The following TAF4 variants were observed in gnomAD, a reference collection of about 807,000 sequenced individuals.
The protein encoded by TAF4 is TATA-box binding protein associated factor 4, also known as transcription initiation factor TFIID subunit 4.
Under a neutral mutation model 90.3 loss-of-function variants are expected in TAF4, and 9 were observed. The observed-to-expected ratio is 0.10, with a 90% CI of 0.06 to 0.17. The LOEUF is 0.17. Ranked by LOEUF, TAF4 falls within the 10% of genes least tolerant of loss-of-function variation. The probability of loss-of-function intolerance (pLI) is 1.00; values close to 1 mark genes in which losing one functional copy is unlikely to be tolerated. For missense variants in TAF4, 1,351 were observed against 1,370.7 expected (o/e 0.99, Z 0.23); for synonymous variants, 818 against 638.9 (o/e 1.28, Z -4.23).
At chr20:62,057,584 A>C (rs1297101992) in intron 1 of TAF4, among the ~76,000 whole-genome samples, 1 of 152,226 alleles carries the variant, frequency 6.6e-6, no homozygotes, top group Non-Finnish European at 1.5e-5. Flanking sequence ...AGTGATGCCC[A>C]GTGGGGGACA....
intron 1 of TAF4, among the ~76,000 whole-genome samples, chr20:62,042,223 T>C (rs2055967660): frequency 6.6e-6 from 1 of 152,146 alleles, no homozygotes; most frequent in African/African-American, 2.4e-5. Flanking sequence ...CGTCTGAATG[T>C]CGAGAGGGGT....
intron 14 of TAF4, among the ~76,000 whole-genome samples, chr20:61,987,956 G>C (rs1223679454): frequency 6.6e-6 from 1 of 152,206 alleles, no homozygotes; most frequent in Non-Finnish European, 1.5e-5. Context: ...ATTCCTAAAT[G>C]AGAGAAGCCA....
At chr20:61,996,858 G>C (rs2055666032) in intron 14 of TAF4, among the ~76,000 whole-genome samples, 1 of 149,822 alleles carries the variant, frequency 6.7e-6, no homozygotes. Context: ...CAAAACCAGA[G>C]AATCCATCAC....
At chr20:62,057,320 TG>T (rs2056070315) in intron 1 of TAF4, among the ~76,000 whole-genome samples, 1 of 152,234 alleles carries the variant, frequency 6.6e-6, no homozygotes, top group South Asian at 2.1e-4. Flanking sequence ...GTCCACGCAC[TG>T]TCCACTCAGA....
intron 14 of TAF4, among the ~76,000 whole-genome samples, chr20:61,977,432 G>A (rs528081280): frequency 6.6e-5 from 10 of 152,162 alleles, no homozygotes; most frequent in Middle Eastern, 3.4e-3. Context: ...TGGAAGGAGC[G>A]GATTCTGCTG....
intron 1 of TAF4, among the ~76,000 whole-genome samples, chr20:62,055,544 T>C (rs943910006): frequency 2.0e-5 from 3 of 151,958 alleles, no homozygotes; most frequent in Non-Finnish European, 2.9e-5. Context: ...TTCACACTAC[T>C]TGGGGGCAGC....
At chr20:62,050,482 C>T (rs2056020348) in intron 1 of TAF4, among the ~76,000 whole-genome samples, 1 of 152,162 alleles carries the variant, frequency 6.6e-6, no homozygotes, top group Admixed American at 6.5e-5. Context: ...CCCCCACCCG[C>T]TGAGAGCAGC....
chr20:62,021,204 A>T (rs923218398), intron 1 of TAF4, among the ~76,000 whole-genome samples: 1 of 152,238 alleles, frequency 6.6e-6, no homozygotes, highest in Non-Finnish European at 1.5e-5. Context: ...TTTCAGACAC[A>T]CTAGGTCTCA....
chr20:62,059,144 G>A (rs963199831), intron 1 of TAF4, among the ~76,000 whole-genome samples: 1 of 152,202 alleles, frequency 6.6e-6, no homozygotes, highest in Non-Finnish European at 1.5e-5. Flanking sequence ...GGGAGAAGCT[G>A]GGGGCACTTC....
At chr20:62,000,527 A>G (rs1286680057) in intron 10 of TAF4, 25 bp downstream of exon 10, 1 of 1,604,830 alleles carries the variant, frequency 6.2e-7, no homozygotes, top group Admixed American at 1.7e-5. Context: ...TTTAATAAGA[A>G]CTCAGTCATT....
At position 62,064,902 on chromosome 20, in the gene TAF4, G is replaced by A. The variant is rs1222141049; in HGVS notation, c.909C>T (p.Ala303=). The A allele has an allele frequency of 2.0e-5, 15 of 763,266 alleles. No homozygotes were observed. Among genetic ancestry groups the A allele is most frequent in the Middle Eastern group, 6.9e-4 (1 of 1,456 alleles). 47.3% of individuals were successfully genotyped at this position (763,266 alleles called of 1,614,324 possible). A position where few individuals can be genotyped will look rare whatever the true frequency, so the allele number is the denominator to read the frequency against. The part of the protein sequence containing the change: ...AAPAVPPPAA[A]QNGGSAGAAP... ...CTGCCCCGGCGCTGCCCCCGTTCTG[G>A]GCGGCGGCGGGGGGCGGCACGGCGG... Residue 303 remains alanine, a synonymous_variant, in exon 1 of 15, where the codon GCC becomes GCT. Coordinates refer to ENST00000252996, the MANE Select transcript of TAF4 (RefSeq NM_003185.4).
chr20:61,984,390 C>T (rs1407028643), intron 14 of TAF4, among the ~76,000 whole-genome samples: 1 of 152,234 alleles, frequency 6.6e-6, no homozygotes, highest in African/African-American at 2.4e-5. Flanking sequence ...TCCCATCTCT[C>T]GGAACTCAGC....
Position 62,064,603 on chromosome 20 carries a change from C to T in TAF4, c.1208G>A (p.Gly403Asp), listed in dbSNP as rs1457824569. Residue 403 changes from glycine to aspartate, a missense_variant, in exon 1 of 15, where the codon GGC becomes GAC. By Grantham distance (94) the Gly-to-Asp change is moderately conservative (BLOSUM62 -1). Coordinates refer to ENST00000252996, the MANE Select transcript of TAF4 (RefSeq NM_003185.4). Reference protein sequence around the residue: ...APGTPTGLPKGAAGAVTQSLS... With the variant: ...APGTPTGLPKDAAGAVTQSLS... The stretch of plus-strand genomic sequence containing the variant: ...GCTCTGGGTCACTGCGCCGGCCGCG[C>T]CTTTGGGCAGCCCGGTGGGGGTCCC... The T allele has an allele frequency of 6.2e-6, 9 of 1,448,696 alleles. No homozygotes were observed. Among genetic ancestry groups the T allele is most frequent in the African/African-American group, 3.0e-5 (2 of 67,788 alleles). 89.7% of individuals were successfully genotyped at this position (1,448,696 alleles called of 1,614,324 possible). A position where few individuals can be genotyped will look rare whatever the true frequency, so the allele number is the denominator to read the frequency against.
chr20:62,043,425 T>C (rs1275967200), intron 1 of TAF4, among the ~76,000 whole-genome samples: 1 of 152,182 alleles, frequency 6.6e-6, no homozygotes, highest in East Asian at 1.9e-4. Context: ...TTTATAAAGT[T>C]ATAGTAAGTC....
At chr20:62,008,410 G>A (rs1293822051) in intron 5 of TAF4, among the ~76,000 whole-genome samples, 1 of 152,200 alleles carries the variant, frequency 6.6e-6, no homozygotes, top group Non-Finnish European at 1.5e-5. Context: ...AAGGTGGACA[G>A]CCGAGAGCTC....
chr20:62,056,391 C>T (rs1478896529), intron 1 of TAF4, among the ~76,000 whole-genome samples: 4 of 152,124 alleles, frequency 2.6e-5, no homozygotes. Flanking sequence ...GTATCCATTC[C>T]CAAAAGTCGT....
chr20:62,015,558 C>G (rs2055807706), intron 1 of TAF4, among the ~76,000 whole-genome samples: 1 of 152,200 alleles, frequency 6.6e-6, no homozygotes, highest in Non-Finnish European at 1.5e-5. Context: ...CACCAAGGAG[C>G]TGAGAAACTA....
rs1454038741 is a variant in TAF4 at position 62,006,587 on chromosome 20, C to T, written c.2146G>A (p.Ala716Thr). The change falls in exon 7 of 15, where the codon GCC becomes ACC. Residue 716 changes from alanine to threonine, a missense_variant. Physicochemically the swap from Ala to Thr is moderately conservative, Grantham distance 58. Coordinates refer to ENST00000252996, the MANE Select transcript of TAF4 (RefSeq NM_003185.4). This position sits in a 1 kb window ranked among gnomAD's most constrained non-coding sequence, Gnocchi z 7.0. The part of the protein sequence containing the change: ...AGKTAATVTS[A>T]LQPPVLSLTQ... Reference sequence around the variant, plus strand: ...AGGCTGAGCACAGGGGGCTGGAGGGCACTGGTCACGGTGGCCGCCGTCTTC... The same window carrying T: ...AGGCTGAGCACAGGGGGCTGGAGGGTACTGGTCACGGTGGCCGCCGTCTTC... 1 of 1,598,074 alleles carries T rather than the reference C, an allele frequency of 6.3e-7. No individual in the cohort carries two copies. The highest frequency in any genetic ancestry group is 2.3e-5 in the East Asian group (1 of 44,198).
intron 1 of TAF4, among the ~76,000 whole-genome samples, chr20:62,033,918 T>TG (rs2055918127): frequency 2.6e-5 from 4 of 151,856 alleles, no homozygotes; most frequent in African/African-American, 9.7e-5. Flanking sequence ...GGCAGGCGCC[T>TG]GTAGTCCCTA....
Sources: allele counts gnomAD v4.1 joint callset (sites outside exome capture counted in the v4.1 genomes callset), GRCh38; gene constraint gnomAD v4.1.1; non-coding constraint Gnocchi (gnomAD v3.1); transcripts MANE v1.5; gene names NCBI Gene and HGNC (gene_info 2026-07-23, HGNC 2026-07-21).